The following RBFOX1 variants were observed in gnomAD, a reference collection of about 807,000 sequenced individuals.
RBFOX1 encodes RNA binding fox-1 homolog 1, also known as RNA binding protein fox-1 homolog 1.
A neutral mutation model predicts 57.7 loss-of-function variants in RBFOX1; 8 were observed. That is an observed-to-expected ratio of 0.14 (90% CI 0.08 to 0.25). RBFOX1 has a LOEUF of 0.25. Among genes scored for constraint, RBFOX1 ranks in the 10% least tolerant of loss-of-function variants. RBFOX1 has a pLI of 1.00. For synonymous variants in RBFOX1, 326 were observed against 222.4 expected (o/e 1.47, Z -4.15); for missense variants, 611 against 548.5 (o/e 1.11, Z -1.14).
intron 4 of RBFOX1, among the ~76,000 whole-genome samples, chr16:7,352,834 A>G (rs1472431140): frequency 6.6e-6 from 1 of 151,630 alleles, no homozygotes. Context: ...TCCCACCTCA[A>G]CCTCCCAAGT....
chr16:6,191,835 A>G (rs1287619940), intron 1 of RBFOX1, among the ~76,000 whole-genome samples: 2 of 152,152 alleles, frequency 1.3e-5, no homozygotes, highest in Non-Finnish European at 2.9e-5. Flanking sequence ...GATTTTCAGA[A>G]TTTTGCACTA....
At position 7,432,111 on chromosome 16, in the gene RBFOX1, CCA is replaced by C. The variant is rs1163179327; in HGVS notation, c.28-86032_28-86031del. Among the ~76,000 whole-genome samples, 4 of 152,300 alleles carry C rather than the reference CCA, an allele frequency of 2.6e-5. No individual in the cohort carries two copies. In the East Asian group the frequency reaches 7.7e-4, roughly 30 times the overall value. On this transcript the variant is annotated intron_variant, in intron 4 of 15. Transcript: ENST00000550418. The stretch of plus-strand genomic sequence containing the variant: ...GGTCTTCAGATCCCACAGGATGCCC[CCA>C]CACTGTGCTGGTCATCCAACTCATT...
chr16:6,920,579 G>C lies in RBFOX1; in HGVS notation c.-15-131478G>C, dbSNP rs186340371. 2.1e-3 allele frequency among the ~76,000 whole-genome samples: 318 copies of C among 152,294 alleles called. 2 individuals carry two copies. Among genetic ancestry groups the C allele is most frequent in the African/African-American group, 7.5e-3 (310 of 41,564 alleles). On this transcript the variant is annotated intron_variant, in intron 3 of 15. Transcript: ENST00000550418. ...AACAACAGAAATTTATTCCATTACT[G>C]TTTGGGGAATTAGAAGTCTGAAATC...
At chr16:6,534,257 A>G (rs561302262) in intron 2 of RBFOX1, among the ~76,000 whole-genome samples, 25 of 149,348 alleles carry the variant, frequency 1.7e-4, no homozygotes, top group Admixed American at 1.1e-3. Context: ...ATCAGTGTGT[A>G]TGTGTGTGTG....
intron 4 of RBFOX1, among the ~76,000 whole-genome samples, chr16:7,175,489 C>G (rs1000019757): frequency 6.6e-6 from 1 of 152,150 alleles, no homozygotes; most frequent in Admixed American, 6.5e-5. Flanking sequence ...GGAGCTGAGA[C>G]TTTCGCTGCC....
chr16:7,163,330 T>G (rs2078776901), intron 4 of RBFOX1, among the ~76,000 whole-genome samples: 1 of 152,134 alleles, frequency 6.6e-6, no homozygotes, highest in South Asian at 2.1e-4. Flanking sequence ...ATGAGTAACC[T>G]TATCAATCCA....
intron 1 of RBFOX1, among the ~76,000 whole-genome samples, chr16:6,268,439 C>G (rs938292850): frequency 6.6e-6 from 1 of 152,144 alleles, no homozygotes; most frequent in African/African-American, 2.4e-5. Context: ...TAGCTGTGTT[C>G]AAGCACCTGT....
At chr16:5,252,608 C>T (rs2062480828) in intron 1 of RBFOX1, among the ~76,000 whole-genome samples, 2 of 152,134 alleles carry the variant, frequency 1.3e-5, no homozygotes, top group African/African-American at 4.8e-5. Context: ...GCCCCAGGGG[C>T]CTGGGCAGCA....
rs141098476 is a variant in RBFOX1, at chr16:7,012,196, C to A, written c.-15-39861C>A. Among the ~76,000 whole-genome samples, 455 of 152,238 alleles carry A rather than the reference C, an allele frequency of 3.0e-3. 3 individuals carry two copies. Among genetic ancestry groups the A allele is most frequent in the African/African-American group, 0.01 (428 of 41,540 alleles). On this transcript the variant is annotated intron_variant, in intron 3 of 15. Coordinates refer to ENST00000550418, the MANE Select transcript of RBFOX1 (RefSeq NM_018723.4). Reference sequence around the variant, plus strand: ...TGACCATCACTGAATGCTGGGAGCTCTTGCGGGTGTTTTTGTTCAACTTGC... The same window carrying A: ...TGACCATCACTGAATGCTGGGAGCTATTGCGGGTGTTTTTGTTCAACTTGC...
intron 1 of RBFOX1, among the ~76,000 whole-genome samples, chr16:6,278,377 C>CAAAAAAAAAAAAAAAAAA (rs57523660): frequency 1.8e-4 from 5 of 28,042 alleles, no homozygotes; most frequent in African/African-American, 5.0e-4. Flanking sequence ...TAGGACTCAC[C>CAAAAAAAAAAAAAAAAAA]AAAAAAAAAA....
At chr16:6,147,556 C>G (rs560982277) in intron 1 of RBFOX1, among the ~76,000 whole-genome samples, 5 of 152,006 alleles carry the variant, frequency 3.3e-5, no homozygotes, top group Non-Finnish European at 7.4e-5. Flanking sequence ...GGAGCTACCT[C>G]AAAAACACCC....
At chr16:7,110,326 A>C (rs555191738) in intron 4 of RBFOX1, among the ~76,000 whole-genome samples, 5 of 152,156 alleles carry the variant, frequency 3.3e-5, no homozygotes, top group African/African-American at 1.2e-4. Flanking sequence ...ATGCCACTGC[A>C]CTCCAGCTTG....
chr16:5,463,184 T>A (rs1015599422), intron 1 of RBFOX1, among the ~76,000 whole-genome samples: 46 of 152,196 alleles, frequency 3.0e-4, no homozygotes, highest in Admixed American at 2.9e-3. Flanking sequence ...GTAGGGAGTT[T>A]TCTCTTCCTT....
chr16:5,504,078 C>T (rs564289460), intron 2 of RBFOX1, among the ~76,000 whole-genome samples: 194 of 152,328 alleles, frequency 1.3e-3, no homozygotes, highest in Non-Finnish European at 8.1e-4. Flanking sequence ...GCAGCATCTC[C>T]AGAGGGCGAT....
intron 2 of RBFOX1, among the ~76,000 whole-genome samples, chr16:6,630,245 C>G (rs1175008768): frequency 6.6e-6 from 1 of 152,108 alleles, no homozygotes; most frequent in Non-Finnish European, 1.5e-5. Context: ...GCTTCTTCAT[C>G]CTTCTTCTCC....
chr16:6,508,330 G>A (rs933128649), intron 2 of RBFOX1, among the ~76,000 whole-genome samples: 9 of 152,090 alleles, frequency 5.9e-5, no homozygotes, highest in African/African-American at 1.7e-4. Context: ...AGTTACCTAT[G>A]TAACAAACCT....
intron 1 of RBFOX1, among the ~76,000 whole-genome samples, chr16:6,305,779 A>G (rs1227319444): frequency 6.6e-6 from 1 of 152,002 alleles, no homozygotes; most frequent in African/African-American, 2.4e-5. Flanking sequence ...AGGTCAAGCA[A>G]CTAGCAAATG....
At chr16:6,254,647 C>T (rs918782010) in intron 1 of RBFOX1, among the ~76,000 whole-genome samples, 7 of 152,008 alleles carry the variant, frequency 4.6e-5, no homozygotes, top group African/African-American at 1.4e-4. Flanking sequence ...CTAGTCTCTG[C>T]GTGAAATTCC....
At chr16:7,465,800 C>A (rs930950316) in intron 4 of RBFOX1, among the ~76,000 whole-genome samples, 8 of 152,176 alleles carry the variant, frequency 5.3e-5, no homozygotes, top group African/African-American at 1.7e-4. Context: ...TTATAACAGG[C>A]AACCCAGGTA....
Sources: gnomAD v4.1 joint callset for allele counts (sites outside exome capture counted in the v4.1 genomes callset) on GRCh38, gnomAD v4.1.1 for gene constraint, MANE v1.5 for transcripts, NCBI Gene and HGNC (gene_info 2026-07-23, HGNC 2026-07-21) for gene names.